Variants in FOXN3 observed in about 807,000 individuals in gnomAD.
The protein encoded by FOXN3 is forkhead box protein N3.
Under a neutral mutation model 38.4 loss-of-function variants are expected in FOXN3, and 7 were observed. The observed-to-expected ratio is 0.18, with a 90% CI of 0.10 to 0.34. The LOEUF is 0.34. FOXN3 is among the 10% of genes least tolerant of loss of function. The pLI, the probability that FOXN3 is intolerant of heterozygous loss-of-function variation, is 1.00. For synonymous variants in FOXN3, 230 were observed against 242.2 expected (o/e 0.95, Z 0.47); for missense variants, 456 against 613.4 (o/e 0.74, Z 2.71).
chr14:89,407,359 C>T (rs115373397), intron 2 of FOXN3, among the ~76,000 whole-genome samples: 5,075 of 152,236 alleles, frequency 0.033, 290 homozygotes, highest in African/African-American at 0.11. Context: ...ACATTTGGAC[C>T]CTAATTCAAA....
At chr14:89,344,637 AATGTAGTGTTACGAAGTTTAAAT>A (rs1476554735) in intron 3 of FOXN3, among the ~76,000 whole-genome samples, 7 of 152,354 alleles carry the variant, frequency 4.6e-5, no homozygotes, top group African/African-American at 1.7e-4. Flanking sequence ...ATAGGGTGTT[AATGTAGTGTTACGAAGTTTAAAT>A]ACCCCCACTA....
intron 4 of FOXN3, among the ~76,000 whole-genome samples, chr14:89,194,369 T>A (rs1888042221): frequency 6.6e-6 from 1 of 152,272 alleles, no homozygotes; most frequent in Middle Eastern, 3.4e-3. Context: ...ATAGAAGTAA[T>A]CACTCAGACC....
chr14:89,372,168 T>C (rs1291779311), intron 2 of FOXN3, among the ~76,000 whole-genome samples: 11 of 152,032 alleles, frequency 7.2e-5, no homozygotes, highest in Non-Finnish European at 1.5e-5. Context: ...TCCCCTGCAA[T>C]TTCCCCAAGT....
At chr14:89,462,333 A>G (rs1261421105) in intron 1 of FOXN3, among the ~76,000 whole-genome samples, 2 of 152,232 alleles carry the variant, frequency 1.3e-5, no homozygotes, top group African/African-American at 2.4e-5. Flanking sequence ...CACCAGGAGC[A>G]TATCATTCCA....
intron 1 of FOXN3, among the ~76,000 whole-genome samples, chr14:89,580,507 A>G (rs771718234): frequency 7.9e-5 from 12 of 152,330 alleles, no homozygotes; most frequent in Non-Finnish European, 1.6e-4. Context: ...TTAAGGGGAT[A>G]CAGTCTCATC....
At chr14:89,605,999 A>C (rs1486979116) in intron 1 of FOXN3, among the ~76,000 whole-genome samples, 1 of 152,146 alleles carries the variant, frequency 6.6e-6, no homozygotes, top group Non-Finnish European at 1.5e-5. Context: ...CATATAGTTT[A>C]AAATGATAAT....
chr14:89,264,940 G>C (rs1017911348), intron 4 of FOXN3, among the ~76,000 whole-genome samples: 5 of 152,234 alleles, frequency 3.3e-5, no homozygotes, highest in African/African-American at 9.6e-5. Context: ...TTCCTTACCA[G>C]GTGACACTGT....
chr14:89,464,443 A>G (rs1167815137), intron 1 of FOXN3, among the ~76,000 whole-genome samples: 1 of 152,202 alleles, frequency 6.6e-6, no homozygotes, highest in Non-Finnish European at 1.5e-5. Context: ...TTTCAGCAAC[A>G]GCAGGAAAAC....
At position 89,157,570 on chromosome 14, in the gene FOXN3, C is replaced by T. The variant is rs1470382867; in HGVS notation, c.*4844G>A. ...TGAAACTCCAGAAACAGGAACACCA[C>T]ACAATGTATATACTTTGATTTACAC... On this transcript the variant is annotated 3_prime_UTR_variant, in exon 6 of 6. Coordinates refer to ENST00000557258, the MANE Select transcript of FOXN3 (RefSeq NM_005197.4). 1.3e-5 allele frequency: 2 copies of T among 152,574 alleles called. No individual in the cohort carries two copies. The highest frequency in any genetic ancestry group is 2.4e-5 in the African/African-American group (1 of 41,420). 9.5% of individuals were successfully genotyped at this position (152,574 alleles called of 1,614,324 possible).
intron 5 of FOXN3, among the ~76,000 whole-genome samples, chr14:89,169,658 G>A (rs1887337867): frequency 6.6e-6 from 1 of 152,070 alleles, no homozygotes; most frequent in Non-Finnish European, 1.5e-5. Context: ...GCCCTGTATT[G>A]ATCAGAAGGT....
At chr14:89,423,014 TACTC>T (rs1891947122) in intron 1 of FOXN3, among the ~76,000 whole-genome samples, 1 of 152,194 alleles carries the variant, frequency 6.6e-6, no homozygotes, top group African/African-American at 2.4e-5. Flanking sequence ...AATCCAGATT[TACTC>T]AATTAATTCC....
upstream of FOXN3, chr14:89,419,421 C>T: frequency 3.1e-6 from 1 of 326,578 alleles, no homozygotes; most frequent in Non-Finnish European, 6.1e-6. Context: ...TCCCCATGAA[C>T]TTTCAGAAAG....
chr14:89,283,064 A>G (rs1314579173), intron 3 of FOXN3, among the ~76,000 whole-genome samples: 1 of 152,098 alleles, frequency 6.6e-6, no homozygotes, highest in East Asian at 1.9e-4. Context: ...TAATTGATGA[A>G]TTCACAAGTG....
At chr14:89,503,817 G>A (rs141779968) in intron 1 of FOXN3, among the ~76,000 whole-genome samples, 78 of 152,278 alleles carry the variant, frequency 5.1e-4, no homozygotes, top group Middle Eastern at 3.4e-3. Context: ...ACACATAAGA[G>A]GGTTTCTAAA....
At chr14:89,517,071 G>A (rs149103044) in intron 1 of FOXN3, among the ~76,000 whole-genome samples, 4 of 151,966 alleles carry the variant, frequency 2.6e-5, no homozygotes, top group African/African-American at 7.2e-5. Context: ...TTGCCTCTTC[G>A]GCCACCACCA....
chr14:89,287,415 G>T (rs983235697), intron 3 of FOXN3, among the ~76,000 whole-genome samples: 19 of 152,148 alleles, frequency 1.2e-4, no homozygotes, highest in African/African-American at 3.9e-4. Context: ...GCCTCCCAGA[G>T]TGCTGGGATT....
intron 4 of FOXN3, among the ~76,000 whole-genome samples, chr14:89,212,477 G>A (rs1256522346): frequency 6.6e-6 from 1 of 152,148 alleles, no homozygotes. Flanking sequence ...TTTTCCTGCC[G>A]TGACCTCCCA....
chr14:89,280,917 G>T, intron 4 of FOXN3, 33 bp downstream of exon 4: 2 of 1,581,368 alleles, frequency 1.3e-6, no homozygotes, highest in Non-Finnish European at 1.7e-6. Flanking sequence ...GGGTGAGGGG[G>T]AGGGAGAGGA....
chr14:89,514,148 G>T (rs1460501070), intron 1 of FOXN3, among the ~76,000 whole-genome samples: 1 of 152,202 alleles, frequency 6.6e-6, no homozygotes, highest in Admixed American at 6.5e-5. Flanking sequence ...ACCAGAAAAA[G>T]AAGAAAGTGG....
Sources: allele counts gnomAD v4.1 joint callset (sites outside exome capture counted in the v4.1 genomes callset), GRCh38; gene constraint gnomAD v4.1.1; transcripts MANE v1.5; gene names NCBI Gene and HGNC (gene_info 2026-07-23, HGNC 2026-07-21).